The following CEP57L1 variants were observed in gnomAD, a reference collection of about 807,000 sequenced individuals.
CEP57L1 encodes centrosomal protein CEP57L1.
CEP57L1 carries 37 observed loss-of-function variants against 61.0 expected under a neutral mutation model. The ratio of observed to expected loss-of-function variants is 0.61; its 90% confidence interval spans 0.47 to 0.80. The LOEUF (loss-of-function observed/expected upper bound fraction) is 0.80. Ranked by LOEUF, CEP57L1 falls within the 30% of genes least tolerant of loss-of-function variation. The probability of loss-of-function intolerance (pLI) is 0.00; values close to 1 mark genes in which losing one functional copy is unlikely to be tolerated. For missense variants in CEP57L1, 422 were observed against 524.7 expected (o/e 0.80, Z 1.91); for synonymous variants, 137 against 162.3 (o/e 0.84, Z 1.19).
chr6:109,127,999 A>G (rs947940895), intron 1 of CEP57L1, among the ~76,000 whole-genome samples: 2 of 152,160 alleles, frequency 1.3e-5, no homozygotes, highest in African/African-American at 4.8e-5. Flanking sequence ...ATGGTTCCCT[A>G]ATGGACAAAG....
At chr6:109,105,314 G>A (rs916789483) in intron 1 of CEP57L1, among the ~76,000 whole-genome samples, 7 of 152,032 alleles carry the variant, frequency 4.6e-5, no homozygotes, top group African/African-American at 9.7e-5. Flanking sequence ...TGTTGTTCAC[G>A]TATAGATGTT....
Position 109,167,386 on chromosome 6 carries a change from C to G in CEP57L1, c.*4416C>G, listed in dbSNP as rs1317411641. Among the ~76,000 whole-genome samples, 2 of 151,614 alleles carry G rather than the reference C, an allele frequency of 1.3e-5. No homozygotes were observed. The highest frequency in any genetic ancestry group is 2.9e-5 in the Non-Finnish European group (2 of 67,896). ...GTTCTCCATATTGATATAGATGGAT[C>G]CATTTCCCATTTGGGGCTGAGCACT... On this transcript the variant is annotated 3_prime_UTR_variant, in exon 11 of 11. Coordinates refer to ENST00000517392, the MANE Select transcript of CEP57L1 (RefSeq NM_001271852.3).
chr6:109,138,775 C>G (rs957923446), intron 1 of CEP57L1, among the ~76,000 whole-genome samples: 1 of 152,162 alleles, frequency 6.6e-6, no homozygotes, highest in Admixed American at 6.5e-5. Context: ...CTTACAGAAA[C>G]TGCATACAAT....
At chr6:109,118,203 T>C (rs946630772) in intron 1 of CEP57L1, among the ~76,000 whole-genome samples, 2 of 152,144 alleles carry the variant, frequency 1.3e-5, no homozygotes, top group Non-Finnish European at 2.9e-5. Context: ...CTCCAGCTAA[T>C]TTTTTGTATT....
At position 109,116,112 on chromosome 6, in the gene CEP57L1, T is replaced by G. The variant is rs533912768; in HGVS notation, c.-4+20537T>G. On this transcript the variant is annotated intron_variant, in intron 1 of 10. Transcript: ENST00000517392. ...TTTATTTTATTTTATTTTATTTTAT[T>G]TTATGTTATGTGTTGTGTTATGTTA... Among the ~76,000 whole-genome samples the G allele has an allele frequency of 8.5e-4, 126 of 148,454 alleles. 1 individual carries two copies. The highest frequency in any genetic ancestry group is 1.7e-3 in the South Asian group (8 of 4,696).
chr6:109,168,590 A>ATTT lies in CEP57L1; in HGVS notation c.*5640_*5642dup, dbSNP rs72093696. Among the ~76,000 whole-genome samples the ATTT allele has an allele frequency of 6.5e-4, 73 of 112,030 alleles. No individual in the cohort carries two copies. Among genetic ancestry groups the ATTT allele is most frequent in the Non-Finnish European group, 7.8e-4 (43 of 55,112 alleles). 73.5% of individuals were successfully genotyped at this position (112,030 alleles called of 152,430 possible). Reference sequence around the variant, plus strand: ...ATCAATTTAGCGGGTCACTACCAGCATTTTTTTTTTTTTTTTTTTTTTGAG... The same window carrying ATTT: ...ATCAATTTAGCGGGTCACTACCAGCATTTTTTTTTTTTTTTTTTTTTTTTTGAG... On this transcript the variant is annotated 3_prime_UTR_variant, in exon 11 of 11. Coordinates refer to ENST00000517392, the MANE Select transcript of CEP57L1 (RefSeq NM_001271852.3).
chr6:109,158,690 G>C (rs767449916), intron 7 of CEP57L1: 1 of 479,866 alleles, frequency 2.1e-6, no homozygotes, highest in South Asian at 1.6e-5. Flanking sequence ...CAAAATGGCT[G>C]TACCATTTTG....
chr6:109,160,151 C>T (rs1053962536), intron 9 of CEP57L1, among the ~76,000 whole-genome samples: 1 of 152,168 alleles, frequency 6.6e-6, no homozygotes, highest in African/African-American at 2.4e-5. Flanking sequence ...GAAGATATAA[C>T]TCTTTCTATT....
intron 3 of CEP57L1, among the ~76,000 whole-genome samples, chr6:109,148,507 C>A (rs1029223719): frequency 2.0e-5 from 3 of 152,084 alleles, no homozygotes; most frequent in Non-Finnish European, 4.4e-5. Context: ...TTTTCTTAAT[C>A]CAGTCTATCA....
intron 7 of CEP57L1, chr6:109,158,727 T>G: frequency 2.0e-6 from 1 of 498,438 alleles, no homozygotes; most frequent in Non-Finnish European, 3.8e-6. Context: ...ATGTGAGTGA[T>G]TTTATTTTCT....
At chr6:109,151,181 A>C (rs1238730568) in intron 4 of CEP57L1, among the ~76,000 whole-genome samples, 2 of 152,220 alleles carry the variant, frequency 1.3e-5, no homozygotes, top group Admixed American at 1.3e-4. Context: ...AGAAGGGTAA[A>C]AGTACCAATC....
intron 1 of CEP57L1, among the ~76,000 whole-genome samples, chr6:109,104,561 GTTTTTTTGTTT>G (rs1770691131): frequency 6.6e-6 from 1 of 151,922 alleles, no homozygotes; most frequent in African/African-American, 2.4e-5. Flanking sequence ...TGATAGGCGT[GTTTTTTTGTTT>G]GTTTTTTGTT....
At chr6:109,112,478 A>AT (rs933361405) in intron 1 of CEP57L1, among the ~76,000 whole-genome samples, 62 of 151,724 alleles carry the variant, frequency 4.1e-4, no homozygotes, top group Non-Finnish European at 3.8e-4. Flanking sequence ...GGATTCATTG[A>AT]TTTTTTTGAA....
At chr6:109,106,337 CT>C (rs1315409306) in intron 1 of CEP57L1, among the ~76,000 whole-genome samples, 1 of 152,082 alleles carries the variant, frequency 6.6e-6, no homozygotes, top group African/African-American at 2.4e-5. Flanking sequence ...AATTTTTATA[CT>C]CTTATACATC....
At chr6:109,128,922 G>A (rs1471320415) in intron 1 of CEP57L1, among the ~76,000 whole-genome samples, 2 of 152,160 alleles carry the variant, frequency 1.3e-5, no homozygotes, top group African/African-American at 4.8e-5. Flanking sequence ...CTGAAGGCCG[G>A]GCACAGTGGC....
At position 109,173,606 on chromosome 6, in the gene CEP57L1, A is replaced by T. The variant is rs1363674582; in HGVS notation, c.*10636A>T. ...CACCTGGCTAATTAAAAAAAAAAAA[A>T]AATTTTTTTTTTTGAGGAGACGCGG... On this transcript the variant is annotated 3_prime_UTR_variant, in exon 11 of 11. Coordinates refer to ENST00000517392, the MANE Select transcript of CEP57L1 (RefSeq NM_001271852.3). Among the ~76,000 whole-genome samples, 1 of 151,004 alleles carries T rather than the reference A, an allele frequency of 6.6e-6. No individual in the cohort carries two copies. The highest frequency in any genetic ancestry group is 2.4e-5 in the African/African-American group (1 of 41,174).
In CEP57L1 at chr6:109,172,459, A is replaced by G. The variant is rs1562166431; in HGVS notation, c.*9489A>G. Among the ~76,000 whole-genome samples the G allele has an allele frequency of 6.6e-6, 1 of 152,226 alleles. No homozygotes were observed. Among genetic ancestry groups the G allele is most frequent in the Non-Finnish European group, 1.5e-5 (1 of 68,032 alleles). ...CTAAGGCCCCCAAGTAAATTAAAAC[A>G]TTCATATCAGGCAGGATAGTCCAAG... On this transcript the variant is annotated 3_prime_UTR_variant, in exon 11 of 11. Coordinates refer to ENST00000517392, the MANE Select transcript of CEP57L1 (RefSeq NM_001271852.3).
intron 7 of CEP57L1, chr6:109,157,726 A>C (rs1205053100): frequency 6.6e-6 from 1 of 152,240 alleles, no homozygotes; most frequent in Non-Finnish European, 1.5e-5. Context: ...TGCCATGTTA[A>C]GAGTTTGAAC....
At chr6:109,119,344 G>A (rs568130766) in intron 1 of CEP57L1, among the ~76,000 whole-genome samples, 21 of 152,232 alleles carry the variant, frequency 1.4e-4, no homozygotes, top group Non-Finnish European at 1.0e-4. Flanking sequence ...AAAAGGCTAC[G>A]TAATGGGACC....
Sources: allele counts gnomAD v4.1 joint callset (sites outside exome capture counted in the v4.1 genomes callset), GRCh38; gene constraint gnomAD v4.1.1; transcripts MANE v1.5; gene names NCBI Gene and HGNC (gene_info 2026-07-23, HGNC 2026-07-21).